DTNA: variants seen among roughly 807,000 people sequenced by gnomAD.
DTNA encodes the protein dystrophin-related protein 3.
In DTNA, 43 loss-of-function variants were observed where a neutral mutation model predicts 100.7. The ratio of observed to expected loss-of-function variants is 0.43; its 90% CI spans 0.33 to 0.55. DTNA has a LOEUF of 0.55. Among genes scored for constraint, DTNA ranks in the 20% least tolerant of loss-of-function variants. DTNA has a pLI of 0.04. For missense variants in DTNA, 798 were observed against 953.9 expected (o/e 0.84, Z 2.15); for synonymous variants, 349 against 347.9 (o/e 1.00, Z -0.04).
chr18:34,537,327 A>C (rs1030851208), intron 1 of DTNA, among the ~76,000 whole-genome samples: 3 of 152,124 alleles, frequency 2.0e-5, no homozygotes, highest in African/African-American at 7.2e-5. Context: ...TGATATAGCA[A>C]ACGTAACAAT....
chr18:34,639,566 C>T (rs2059037432), intron 1 of DTNA, among the ~76,000 whole-genome samples: 1 of 152,194 alleles, frequency 6.6e-6, no homozygotes, highest in South Asian at 2.1e-4. Context: ...CACCCCAAAG[C>T]ACTGCTCAAA....
chr18:34,842,895 A>G (rs1030395021), intron 13 of DTNA, among the ~76,000 whole-genome samples: 1 of 151,662 alleles, frequency 6.6e-6, no homozygotes, highest in Non-Finnish European at 1.5e-5. Flanking sequence ...CTGACTGGTT[A>G]GTTGGTTGGT....
At chr18:34,501,400 A>C (rs191985509) in intron 1 of DTNA, among the ~76,000 whole-genome samples, 1 of 152,182 alleles carries the variant, frequency 6.6e-6, no homozygotes, top group Admixed American at 6.5e-5. Context: ...ATCTATATTC[A>C]TGAGGAATAT....
At chr18:34,738,641 C>T (rs1220285853) in intron 1 of DTNA, among the ~76,000 whole-genome samples, 5 of 152,102 alleles carry the variant, frequency 3.3e-5, no homozygotes, top group South Asian at 2.1e-4. Flanking sequence ...TTCTATCTGC[C>T]GTCCCGATGT....
At chr18:34,701,945 A>G (rs932697241) in intron 1 of DTNA, among the ~76,000 whole-genome samples, 3 of 152,156 alleles carry the variant, frequency 2.0e-5, no homozygotes, top group Non-Finnish European at 4.4e-5. Context: ...TCTTCACACC[A>G]TAGACAGAGT....
chr18:34,567,045 A>G (rs577322472), intron 1 of DTNA, among the ~76,000 whole-genome samples: 1 of 152,226 alleles, frequency 6.6e-6, no homozygotes, highest in African/African-American at 2.4e-5. Context: ...TATACCATCA[A>G]TTTTGCCTTT....
intron 1 of DTNA, among the ~76,000 whole-genome samples, chr18:34,676,210 A>G (rs2077378447): frequency 6.6e-6 from 1 of 152,128 alleles, no homozygotes; most frequent in Non-Finnish European, 1.5e-5. Context: ...GAAGGTCACT[A>G]CCTTTTTAGG....
intron 1 of DTNA, among the ~76,000 whole-genome samples, chr18:34,615,776 T>C (rs984972852): frequency 2.6e-5 from 4 of 152,162 alleles, no homozygotes; most frequent in African/African-American, 7.2e-5. Flanking sequence ...TGGTATCTAT[T>C]GTTCCCTTTT....
chr18:34,816,166 C>T (rs777105109), intron 7 of DTNA, 152 bp downstream of exon 7: 24 of 736,804 alleles, frequency 3.3e-5, no homozygotes, highest in Admixed American at 1.4e-4. Flanking sequence ...TCTCCCTGTT[C>T]GGGAAGGCCT....
In DTNA at chr18:34,888,546, A is replaced by C; in HGVS notation, c.*812A>C. 4 of 985,538 alleles carry C rather than the reference A, an allele frequency of 4.1e-6. No homozygotes were observed. The highest frequency in any genetic ancestry group is 4.8e-6 in the Non-Finnish European group (4 of 829,648). The allele number at this position is 985,538 out of a possible 1,614,324, so 61.0% of individuals were successfully genotyped here. On this transcript the variant is annotated 3_prime_UTR_variant, in exon 23 of 23. Transcript: ENST00000444659. The stretch of plus-strand genomic sequence containing the variant: ...TGTAAATATTTTTTTTTCCAAATAG[A>C]TATCATATTCAAAAAAGGCAGCATT...
intron 1 of DTNA, among the ~76,000 whole-genome samples, chr18:34,633,867 G>T (rs2148177450): frequency 1.3e-5 from 2 of 152,212 alleles, no homozygotes; most frequent in Non-Finnish European, 2.9e-5. Context: ...CAACTGTTTG[G>T]GCATCATCAA....
At chr18:34,813,268 A>C (rs1020319693) in intron 6 of DTNA, among the ~76,000 whole-genome samples, 4 of 151,000 alleles carry the variant, frequency 2.6e-5, no homozygotes, top group Non-Finnish European at 4.4e-5. Flanking sequence ...GGAGTTCAAA[A>C]CCAGTGTGAG....
At chr18:34,609,779 C>A (rs1330409348) in intron 1 of DTNA, among the ~76,000 whole-genome samples, 4 of 152,104 alleles carry the variant, frequency 2.6e-5, no homozygotes, top group Admixed American at 6.5e-5. Flanking sequence ...TTCTCATCAT[C>A]AAGCAAATAA....
intron 3 of DTNA, among the ~76,000 whole-genome samples, chr18:34,780,911 A>T (rs2094290657): frequency 6.6e-6 from 1 of 152,214 alleles, no homozygotes; most frequent in Non-Finnish European, 1.5e-5. Context: ...AGAGAGTTCT[A>T]ACCTAGCTGC....
intron 1 of DTNA, among the ~76,000 whole-genome samples, chr18:34,752,727 T>C (rs1311712276): frequency 6.6e-6 from 1 of 152,206 alleles, no homozygotes; most frequent in East Asian, 1.9e-4. Flanking sequence ...TCTTCCAAGG[T>C]ACACATTTGA....
At chr18:34,879,768 T>C (rs952351650) in intron 20 of DTNA, 49 bp downstream of exon 20, 13 of 1,607,892 alleles carry the variant, frequency 8.1e-6, no homozygotes, top group Non-Finnish European at 1.1e-5. Context: ...AAACAATCTG[T>C]AGGAGACAAT....
intron 1 of DTNA, among the ~76,000 whole-genome samples, chr18:34,617,276 C>G (rs185670508): frequency 9.9e-5 from 15 of 152,202 alleles, no homozygotes; most frequent in Non-Finnish European, 1.0e-4. Context: ...ATGGCTCTTA[C>G]TATTTTAAGG....
chr18:34,783,365 A>T (rs1192327643), intron 3 of DTNA, among the ~76,000 whole-genome samples: 1 of 152,212 alleles, frequency 6.6e-6, no homozygotes, highest in African/African-American at 2.4e-5. Flanking sequence ...GAAGATTGGC[A>T]TGATATTCAA....
chr18:34,797,726 G>T (rs1219953976), intron 4 of DTNA, among the ~76,000 whole-genome samples: 1 of 152,180 alleles, frequency 6.6e-6, no homozygotes, highest in Non-Finnish European at 1.5e-5. Context: ...TTTGAGAGGT[G>T]CAGTCACAAA....
Sources: gnomAD v4.1 joint callset for allele counts (sites outside exome capture counted in the v4.1 genomes callset) on GRCh38, gnomAD v4.1.1 for gene constraint, MANE v1.5 for transcripts, NCBI Gene and HGNC (gene_info 2026-07-23, HGNC 2026-07-21) for gene names.